Variants in THRB observed in about 807,000 individuals in gnomAD.
THRB encodes the protein thyroid hormone receptor beta, also known as nuclear receptor subfamily 1 group A member 2.
THRB carries 12 observed loss-of-function variants against 47.8 expected under a neutral mutation model. That is an observed-to-expected ratio of 0.25 (90% CI 0.16 to 0.41). The LOEUF is 0.41. THRB is among the 10% of genes least tolerant of loss of function. The pLI, the probability that THRB is intolerant of heterozygous loss-of-function variation, is 1.00. For synonymous variants in THRB, 218 were observed against 212.2 expected (o/e 1.03, Z -0.24); for missense variants, 348 against 589.2 (o/e 0.59, Z 4.24).
Position 24,233,571 on chromosome 3 carries a change from GAAAGAAAGAAAGAA to G in THRB, c.-42-4584_-42-4571del, listed in dbSNP as rs1182787660. On this transcript the variant is annotated intron_variant, in intron 3 of 10. Coordinates refer to ENST00000646209, the MANE Select transcript of THRB (RefSeq NM_001354712.2). ...AAAGAAAGAAAAAGGAAGAAAGAAAGAAAGAAAGAAAGAAAGAAAGAAAGAAAGAAAGAAAGAAA... is the reference window on the plus strand; with the variant it reads ...AAAGAAAGAAAAAGGAAGAAAGAAAGAGAAAGAAAGAAAGAAAGAAAGAAA... 5.6e-3 allele frequency among the ~76,000 whole-genome samples: 362 copies of G among 64,986 alleles called. 5 individuals carry two copies. The highest frequency in any genetic ancestry group is 0.024 in the African/African-American group (339 of 14,034). The allele number at this position is 64,986 out of a possible 152,430, so 42.6% of individuals were successfully genotyped here.
intron 1 of THRB, among the ~76,000 whole-genome samples, chr3:24,481,241 T>TTGTTTTTTTTTTG (rs1696345386): frequency 6.8e-6 from 1 of 146,230 alleles, no homozygotes; most frequent in African/African-American, 2.6e-5. Context: ...TTTTTTTTTT[T>TTGTTTTTTTTTTG]TTTTTTTTTT....
At chr3:24,248,832 C>A (rs866577972) in intron 3 of THRB, among the ~76,000 whole-genome samples, 6 of 152,198 alleles carry the variant, frequency 3.9e-5, no homozygotes, top group African/African-American at 9.6e-5. Context: ...TTAGGTCCTA[C>A]TAATTTCATC....
chr3:24,411,617 CCTGA>C (rs2068305222), intron 1 of THRB, among the ~76,000 whole-genome samples: 1 of 151,652 alleles, frequency 6.6e-6, no homozygotes, highest in Non-Finnish European at 1.5e-5. Flanking sequence ...CTACATGCTG[CCTGA>C]CTACTTTTAT....
rs541809426 is a variant in THRB, at chr3:24,458,391, C to T, written c.-261+36261G>A. The stretch of plus-strand genomic sequence containing the variant: ...TAATCTCTGAAATGCTTACAGAAGA[C>T]TGCAATTTGGTCTGTAGTTTACATT... On this transcript the variant is annotated intron_variant, in intron 1 of 10. Coordinates refer to ENST00000646209, the MANE Select transcript of THRB (RefSeq NM_001354712.2). 3.9e-5 allele frequency: 6 copies of T among 152,224 alleles called. No homozygotes were observed. In the South Asian group the frequency reaches 1.2e-3, roughly 32 times the overall value. 9.4% of individuals were successfully genotyped at this position (152,224 alleles called of 1,614,324 possible). A position where few individuals can be genotyped will look rare whatever the true frequency, so the allele number is the denominator to read the frequency against.
chr3:24,123,829 C>T (rs947013149), intron 10 of THRB, among the ~76,000 whole-genome samples: 7 of 152,062 alleles, frequency 4.6e-5, no homozygotes, highest in African/African-American at 1.7e-4. Context: ...GAGAAGACAC[C>T]GGGACCCTGG....
intron 3 of THRB, among the ~76,000 whole-genome samples, chr3:24,269,309 ACACACACACACACGT>A (rs2053008482): frequency 7.9e-6 from 1 of 126,330 alleles, no homozygotes; most frequent in African/African-American, 3.0e-5. Flanking sequence ...ACACACACAC[ACACACACACACACGT>A]TATCTTTGCT....
At chr3:24,318,673 A>G (rs1341953775) in intron 2 of THRB, among the ~76,000 whole-genome samples, 1 of 152,194 alleles carries the variant, frequency 6.6e-6, no homozygotes, top group East Asian at 1.9e-4. Context: ...TGCCCAATAA[A>G]TGCTCACTGG....
chr3:24,370,489 G>A (rs1000112934), intron 1 of THRB, among the ~76,000 whole-genome samples: 2 of 152,090 alleles, frequency 1.3e-5, no homozygotes, highest in Admixed American at 1.3e-4. Flanking sequence ...GCACATGAGT[G>A]TGCACAAAGA....
At chr3:24,203,696 A>T (rs1039719781) in intron 4 of THRB, among the ~76,000 whole-genome samples, 1 of 152,228 alleles carries the variant, frequency 6.6e-6, no homozygotes, top group African/African-American at 2.4e-5. Flanking sequence ...TGTGAGCCGA[A>T]GCAGGGCAAG....
intron 4 of THRB, among the ~76,000 whole-genome samples, chr3:24,203,284 C>T (rs542335499): frequency 6.6e-6 from 1 of 152,246 alleles, no homozygotes; most frequent in East Asian, 1.9e-4. Context: ...TGTGGTGGCA[C>T]ACACCTGTGG....
intron 5 of THRB, among the ~76,000 whole-genome samples, chr3:24,185,066 T>C (rs78515483): frequency 6.6e-6 from 1 of 151,962 alleles, no homozygotes; most frequent in Non-Finnish European, 1.5e-5. Flanking sequence ...ATTTGATTCA[T>C]TTTTTTTGTC....
intron 1 of THRB, chr3:24,457,983 A>T (rs2073346454): frequency 6.6e-6 from 1 of 152,200 alleles, no homozygotes; most frequent in African/African-American, 2.4e-5. Context: ...TCACCTGGGC[A>T]TCTTGTTAAA....
chr3:24,244,680 A>G (rs1286805532), intron 3 of THRB, among the ~76,000 whole-genome samples: 1 of 152,206 alleles, frequency 6.6e-6, no homozygotes, highest in Non-Finnish European at 1.5e-5. Flanking sequence ...CATCAGTACC[A>G]TCTGCTGATG....
rs373300173 is a variant in THRB, at chr3:24,306,708, C to T, written c.-188-9337G>A. 2.0e-4 allele frequency among the ~76,000 whole-genome samples: 31 copies of T among 152,204 alleles called. 1 individual carries two copies. In the South Asian group the frequency reaches 6.0e-3, roughly 30 times the overall value. ...TTAGGCTTACACCCTCTGCCTCCAG[C>T]CCATTGCTCAAAGTCTTTGAATTGG... On this transcript the variant is annotated intron_variant, in intron 2 of 10. Coordinates refer to ENST00000646209, the MANE Select transcript of THRB (RefSeq NM_001354712.2).
At chr3:24,269,514 C>T (rs926770403) in intron 3 of THRB, among the ~76,000 whole-genome samples, 2 of 152,130 alleles carry the variant, frequency 1.3e-5, no homozygotes, top group Non-Finnish European at 1.5e-5. Context: ...TGGCCTCAAC[C>T]TCCTGGGCTC....
intron 3 of THRB, among the ~76,000 whole-genome samples, chr3:24,286,617 G>T (rs1270609815): frequency 6.6e-6 from 1 of 152,096 alleles, no homozygotes; most frequent in African/African-American, 2.4e-5. Flanking sequence ...CCACTCTTAG[G>T]CTGAGGACAC....
chr3:24,444,147 G>A (rs2071829697), intron 1 of THRB, among the ~76,000 whole-genome samples: 1 of 152,122 alleles, frequency 6.6e-6, no homozygotes, highest in African/African-American at 2.4e-5. Flanking sequence ...AGAGTAGAAT[G>A]CCAGTGAGTA....
rs117330227 is a variant in THRB at position 24,194,587 on chromosome 3, A to T, written c.23-4253T>A. Among the ~76,000 whole-genome samples, 324 of 152,268 alleles carry T rather than the reference A, an allele frequency of 2.1e-3. 4 individuals are homozygous for T. The East Asian group carries it at 0.023, about 11-fold the overall frequency. On this transcript the variant is annotated intron_variant, in intron 4 of 10. Coordinates refer to ENST00000646209, the MANE Select transcript of THRB (RefSeq NM_001354712.2). ...TGCATTGGCTTGTGTGTCTCAAGGG[A>T]GTTTAGGCTTGAATGATTAGGTTTG... is the stretch of plus-strand genomic sequence containing the variant.
At position 24,460,203 on chromosome 3, in the gene THRB, C is replaced by T. The variant is rs145029441; in HGVS notation, c.-261+34449G>A. Among the ~76,000 whole-genome samples, 167 of 152,302 alleles carry T rather than the reference C, an allele frequency of 1.1e-3. 3 individuals are homozygous for T. The highest frequency in any genetic ancestry group is 3.6e-3 in the African/African-American group (148 of 41,566). On this transcript the variant is annotated intron_variant, in intron 1 of 10. Transcript: ENST00000646209. ...CACCAAAATGGAAAGGTTAAAGTGA[C>T]AGGCTTATCTATCCGAGATGTATCT...
Sources: gnomAD v4.1 joint callset for allele counts (sites outside exome capture counted in the v4.1 genomes callset) on GRCh38, gnomAD v4.1.1 for gene constraint, MANE v1.5 for transcripts, NCBI Gene and HGNC (gene_info 2026-07-23, HGNC 2026-07-21) for gene names.